Variants in SEC22A observed in about 807,000 individuals in gnomAD.
SEC22A encodes the protein SEC22 homolog A, vesicle trafficking protein.
A neutral mutation model predicts 35.3 loss-of-function variants in SEC22A; 22 were observed. The ratio of observed to expected loss-of-function variants is 0.62; its 90% CI spans 0.45 to 0.89. The LOEUF (loss-of-function observed/expected upper bound fraction) is 0.89, where lower values mean the gene tolerates loss of function less well. Ranked by LOEUF, SEC22A falls within the 40% of genes least tolerant of loss-of-function variation. The pLI, the probability that SEC22A is intolerant of heterozygous loss-of-function variation, is 0.00. For synonymous variants in SEC22A, 119 were observed against 129.5 expected (o/e 0.92, Z 0.55); for missense variants, 354 against 362.5 (o/e 0.98, Z 0.19).
At chr3:123,268,774 T>C (rs889399364) in intron 6 of SEC22A, among the ~76,000 whole-genome samples, 2 of 152,202 alleles carry the variant, frequency 1.3e-5, no homozygotes, top group African/African-American at 4.8e-5. Context: ...TTTCTGTGGC[T>C]ATATTTCTCC....
intron 6 of SEC22A, among the ~76,000 whole-genome samples, chr3:123,268,721 T>A (rs571116693): frequency 6.6e-6 from 1 of 152,352 alleles, no homozygotes; most frequent in South Asian, 2.1e-4. Flanking sequence ...TATTATCTAA[T>A]ATATGATTCC....
intron 6 of SEC22A, among the ~76,000 whole-genome samples, chr3:123,268,953 G>T (rs1576507061): frequency 6.6e-6 from 1 of 152,096 alleles, no homozygotes; most frequent in Non-Finnish European, 1.5e-5. Context: ...TGTTACTCGT[G>T]ATTATATTAA....
chr3:123,223,764 CCAAT>C, intron 3 of SEC22A, 42 bp downstream of exon 3: 1 of 1,455,620 alleles, frequency 6.9e-7, no homozygotes, highest in Non-Finnish European at 9.4e-7. Context: ...CTGTCTGCAT[CCAAT>C]CATAAGCAAT....
intron 2 of SEC22A, among the ~76,000 whole-genome samples, chr3:123,210,385 A>G (rs1163238703): frequency 6.6e-6 from 1 of 152,198 alleles, no homozygotes; most frequent in Non-Finnish European, 1.5e-5. Context: ...AAGAAGAATA[A>G]TCACCTGTAG....
chr3:123,246,056 C>CA, intron 5 of SEC22A, 42 bp downstream of exon 5: 2 of 926,708 alleles, frequency 2.2e-6, no homozygotes, highest in Non-Finnish European at 3.6e-6. Flanking sequence ...TGTGCCTCTT[C>CA]ATTCTACTGG....
At chr3:123,225,756 G>C (rs569381328) in intron 4 of SEC22A, among the ~76,000 whole-genome samples, 1 of 152,172 alleles carries the variant, frequency 6.6e-6, no homozygotes, top group African/African-American at 2.4e-5. Flanking sequence ...GTTGACTGTA[G>C]TCACCCTATT....
At chr3:123,214,523 C>T (rs548972831) in intron 2 of SEC22A, among the ~76,000 whole-genome samples, 1 of 152,206 alleles carries the variant, frequency 6.6e-6, no homozygotes, top group Non-Finnish European at 1.5e-5. Context: ...TAGTGATATT[C>T]CAATTCTCTC....
At chr3:123,216,562 G>A (rs1012528256) in intron 2 of SEC22A, among the ~76,000 whole-genome samples, 2 of 152,116 alleles carry the variant, frequency 1.3e-5, no homozygotes, top group Non-Finnish European at 2.9e-5. Context: ...TTCATAGGAT[G>A]ATTTATTCAT....
At chr3:123,262,214 AG>A (rs1432881901) in intron 6 of SEC22A, among the ~76,000 whole-genome samples, 1 of 152,216 alleles carries the variant, frequency 6.6e-6, no homozygotes. Context: ...TTCAGGATGC[AG>A]GTGCTTATGG....
intron 4 of SEC22A, among the ~76,000 whole-genome samples, chr3:123,229,275 T>C (rs1937270443): frequency 6.6e-6 from 1 of 152,138 alleles, no homozygotes; most frequent in Non-Finnish European, 1.5e-5. Context: ...TTTACCTGTA[T>C]AACAAACCTG....
At chr3:123,241,888 G>C (rs1445249850) in intron 4 of SEC22A, among the ~76,000 whole-genome samples, 1 of 151,218 alleles carries the variant, frequency 6.6e-6, no homozygotes, top group Non-Finnish European at 1.5e-5. Flanking sequence ...GGCACAGAAA[G>C]ACAAACATTG....
intron 4 of SEC22A, among the ~76,000 whole-genome samples, chr3:123,241,002 T>TACAC (rs35775511): frequency 0.096 from 13,661 of 142,522 alleles, 1,088 homozygotes; most frequent in Admixed American, 0.19. Flanking sequence ...CTCTCTTTCT[T>TACAC]ACACACACAC....
At chr3:123,227,957 A>C (rs1389381010) in intron 4 of SEC22A, among the ~76,000 whole-genome samples, 3 of 151,916 alleles carry the variant, frequency 2.0e-5, no homozygotes, top group Non-Finnish European at 2.9e-5. Flanking sequence ...GAAAAAAAAA[A>C]AAAAAACTCC....
intron 2 of SEC22A, among the ~76,000 whole-genome samples, chr3:123,211,014 A>G (rs62261389): frequency 0.16 from 24,141 of 152,114 alleles, 2,258 homozygotes; most frequent in Middle Eastern, 0.27. Context: ...GATCGCCCTG[A>G]AAGTTCAGAT....
chr3:123,267,042 T>C (rs896193259), intron 6 of SEC22A, among the ~76,000 whole-genome samples: 3 of 152,176 alleles, frequency 2.0e-5, no homozygotes, highest in Non-Finnish European at 4.4e-5. Flanking sequence ...TTGAAATATT[T>C]TGATATTTAT....
At position 123,203,053 on chromosome 3, in the gene SEC22A, C is replaced by CTTTTTTTTTTT. The variant is rs779433710; in HGVS notation, c.-20+1091_-20+1101dup. 1.0e-3 allele frequency among the ~76,000 whole-genome samples: 44 copies of CTTTTTTTTTTT among 43,840 alleles called. 2 individuals carry two copies. The highest frequency in any genetic ancestry group is 1.7e-3 in the African/African-American group (16 of 9,432). The allele number at this position is 43,840 out of a possible 152,430, so 28.8% of individuals were successfully genotyped here. ...GAAAACCATCACATCTGTTTAGTGC[C>CTTTTTTTTTTT]TTTTTTTTTTTTTTTTTTTTTTTTT... On this transcript the variant is annotated intron_variant, in intron 1 of 6. Transcript: ENST00000492595.
chr3:123,236,069 C>T (rs946098686), intron 4 of SEC22A, among the ~76,000 whole-genome samples: 1 of 152,040 alleles, frequency 6.6e-6, no homozygotes, highest in African/African-American at 2.4e-5. Context: ...GCAGTGACTA[C>T]TAATAGGTAT....
intron 4 of SEC22A, among the ~76,000 whole-genome samples, chr3:123,227,185 T>C (rs934003856): frequency 6.6e-6 from 1 of 152,046 alleles, no homozygotes; most frequent in Non-Finnish European, 1.5e-5. Context: ...ATTGTCAGAC[T>C]ATTTGTTTAA....
intron 4 of SEC22A, among the ~76,000 whole-genome samples, chr3:123,233,663 A>AAAC (rs397876205): frequency 2.0e-5 from 3 of 152,034 alleles, no homozygotes; most frequent in African/African-American, 7.2e-5. Flanking sequence ...ACAAAAAAAA[A>AAAC]CACTCAACAA....
Sources: allele counts gnomAD v4.1 joint callset (sites outside exome capture counted in the v4.1 genomes callset), GRCh38; gene constraint gnomAD v4.1.1; transcripts MANE v1.5; gene names NCBI Gene and HGNC (gene_info 2026-07-23, HGNC 2026-07-21).